Variants in TP53AIP1 observed in about 807,000 individuals in gnomAD.
TP53AIP1 encodes tumor protein p53 regulated apoptosis inducing protein 1, also known as p53-regulated apoptosis-inducing protein 1.
Under a neutral mutation model 9.5 loss-of-function variants are expected in TP53AIP1, and 14 were observed. That is an observed-to-expected ratio of 1.47 (90% CI 0.97 to 2.30). TP53AIP1 has a LOEUF of 2.30. Ranked by LOEUF, TP53AIP1 falls within the 30% of genes most tolerant of loss-of-function variation. TP53AIP1 has a pLI of 0.00. For synonymous variants in TP53AIP1, 73 were observed against 61.2 expected (o/e 1.19, Z -0.90); for missense variants, 153 against 146.7 (o/e 1.04, Z -0.22).
In TP53AIP1 at chr11:128,937,077, T is replaced by C. The variant is rs551438993; in HGVS notation, c.142-428A>G. Reference sequence around the variant, plus strand: ...AGACTCCTGGCCCAGGCCTGGCCTGTGTCTGCTTCCGGAGCCATGCGCTGC... The same window carrying C: ...AGACTCCTGGCCCAGGCCTGGCCTGCGTCTGCTTCCGGAGCCATGCGCTGC... On this transcript the variant is annotated intron_variant, in intron 2 of 3. Coordinates refer to ENST00000531399, the MANE Select transcript of TP53AIP1 (RefSeq NM_022112.3). The surrounding 1 kb of genome is among the most constrained non-coding windows in gnomAD (Gnocchi z 4.8). The C allele has an allele frequency of 9.6e-7, 1 of 1,041,926 alleles. No homozygotes were observed. The highest frequency in any genetic ancestry group is 8.4e-5 in the East Asian group (1 of 11,944). 64.5% of individuals were successfully genotyped at this position (1,041,926 alleles called of 1,614,324 possible). A position where few individuals can be genotyped will look rare whatever the true frequency, so the allele number is the denominator to read the frequency against.
intron 1 of TP53AIP1, among the ~76,000 whole-genome samples, chr11:128,941,489 G>GC (rs1944941090): frequency 1.3e-5 from 2 of 152,192 alleles, no homozygotes; most frequent in Non-Finnish European, 2.9e-5. Context: ...GGTTGCCTCA[G>GC]CCCCCAACGC....
intron 1 of TP53AIP1, among the ~76,000 whole-genome samples, chr11:128,938,392 G>A (rs1251638030): frequency 1.3e-5 from 2 of 152,142 alleles, no homozygotes; most frequent in Non-Finnish European, 2.9e-5. Flanking sequence ...ACGGATCAGA[G>A]CAGAACACAG....
At chr11:128,941,275 G>A (rs977879013) in intron 1 of TP53AIP1, among the ~76,000 whole-genome samples, 5 of 152,120 alleles carry the variant, frequency 3.3e-5, no homozygotes, top group East Asian at 1.9e-4. Context: ...CTCCACCTGC[G>A]ACGTGTTTCC....
chr11:128,942,080 A>T (rs1156255456), intron 1 of TP53AIP1, among the ~76,000 whole-genome samples: 1 of 152,166 alleles, frequency 6.6e-6, no homozygotes, highest in Non-Finnish European at 1.5e-5. Flanking sequence ...GCACACGGTA[A>T]GCTCTCAGTA....
At position 128,939,291 on chromosome 11, in the gene TP53AIP1, C is replaced by T. The variant is rs538613518; in HGVS notation, c.-76-1397G>A. On this transcript the variant is annotated intron_variant, in intron 1 of 3. Coordinates refer to ENST00000531399, the MANE Select transcript of TP53AIP1 (RefSeq NM_022112.3). The surrounding 1 kb of genome is among the most constrained non-coding windows in gnomAD (Gnocchi z 4.1). The stretch of plus-strand genomic sequence containing the variant: ...GCCCTGGACTCCCAAATCCCAGCAG[C>T]AATGCAAAGCCACCCCCAGAAGAGC... Among the ~76,000 whole-genome samples, 445 of 152,296 alleles carry T rather than the reference C, an allele frequency of 2.9e-3. 1 individual carries two copies. The highest frequency in any genetic ancestry group is 0.01 in the African/African-American group (427 of 41,558).
intron 1 of TP53AIP1, among the ~76,000 whole-genome samples, chr11:128,942,093 T>G (rs1183160076): frequency 6.6e-6 from 1 of 152,134 alleles, no homozygotes; most frequent in Non-Finnish European, 1.5e-5. Context: ...TCTCAGTAAG[T>G]GTGGTGAGTC....
chr11:128,939,577 C>T lies in TP53AIP1; in HGVS notation c.-76-1683G>A, dbSNP rs1159031298. ...AGGCCACAAGCCAGCAGCCATGCAGCGGATGCACCTGTAGATGATGCACTG... is the reference window on the plus strand; with the variant it reads ...AGGCCACAAGCCAGCAGCCATGCAGTGGATGCACCTGTAGATGATGCACTG... On this transcript the variant is annotated intron_variant, in intron 1 of 3. Transcript: ENST00000531399. The surrounding 1 kb of genome is among the most constrained non-coding windows in gnomAD (Gnocchi z 4.1). Among the ~76,000 whole-genome samples the T allele has an allele frequency of 3.3e-5, 5 of 152,208 alleles. No homozygotes were observed. The East Asian group carries it at 5.8e-4, about 18-fold the overall frequency.
intron 3 of TP53AIP1, 111 bp from the exon 4 acceptor site, chr11:128,935,823 G>A: frequency 7.3e-7 from 1 of 1,372,098 alleles, no homozygotes; most frequent in Non-Finnish European, 9.4e-7. Context: ...GAATTTCAGT[G>A]AATCTAAAAC....
At chr11:128,936,117 G>T in intron 3 of TP53AIP1, 1 of 968,950 alleles carries the variant, frequency 1.0e-6, no homozygotes, top group Non-Finnish European at 1.3e-6. Flanking sequence ...TCCTGCCCAT[G>T]TACACACAGC....
At chr11:128,938,764 C>T (rs779286169) in intron 1 of TP53AIP1, among the ~76,000 whole-genome samples, 4 of 152,110 alleles carry the variant, frequency 2.6e-5, no homozygotes, top group Admixed American at 6.5e-5. Context: ...CTCACAGCAG[C>T]GCCACCTGCA....
intron 3 of TP53AIP1, chr11:128,935,987 A>T: frequency 1.0e-6 from 1 of 999,408 alleles, no homozygotes; most frequent in Non-Finnish European, 1.3e-6. Flanking sequence ...CATACTACGT[A>T]CAGGTGCTGT....
At chr11:128,941,698 A>G (rs1944945737) in intron 1 of TP53AIP1, among the ~76,000 whole-genome samples, 1 of 152,228 alleles carries the variant, frequency 6.6e-6, no homozygotes, top group Non-Finnish European at 1.5e-5. Flanking sequence ...AATTAGTCCC[A>G]GCCCAGGTTC....
intron 1 of TP53AIP1, among the ~76,000 whole-genome samples, chr11:128,941,228 T>G (rs1312461776): frequency 6.6e-6 from 1 of 152,158 alleles, no homozygotes; most frequent in Non-Finnish European, 1.5e-5. Flanking sequence ...CACCACTGTC[T>G]TCTTGCCCCG....
At chr11:128,938,768 A>T (rs1944886304) in intron 1 of TP53AIP1, among the ~76,000 whole-genome samples, 1 of 152,162 alleles carries the variant, frequency 6.6e-6, no homozygotes, top group Non-Finnish European at 1.5e-5. Flanking sequence ...CAGCAGCGCC[A>T]CCTGCATCAC....
chr11:128,936,933 A>G (rs886498385), intron 2 of TP53AIP1: 3 of 1,187,200 alleles, frequency 2.5e-6, no homozygotes, highest in Non-Finnish European at 3.1e-6. Context: ...TCCCATCACC[A>G]CAGCTCGGGG....
chr11:128,934,879 G>A (rs561593274), downstream of TP53AIP1: 10 of 645,022 alleles, frequency 1.6e-5, no homozygotes, highest in Non-Finnish European at 2.5e-5. Context: ...GGGATCCTCG[G>A]AAGTGTCATG....
chr11:128,936,074 GA>G (rs1944817796), intron 3 of TP53AIP1: 1 of 776,710 alleles, frequency 1.3e-6, no homozygotes, highest in African/African-American at 1.9e-5. Flanking sequence ...CCATTTTACA[GA>G]CACCTACACT....
At position 128,939,244 on chromosome 11, in the gene TP53AIP1, C is replaced by T. The variant is rs1005414621; in HGVS notation, c.-76-1350G>A. ...CTGGTTCTGGGGAAGACACTCTGCACGCAGCCCCCAGGAGACCACAGGCCC... is the reference window on the plus strand; with the variant it reads ...CTGGTTCTGGGGAAGACACTCTGCATGCAGCCCCCAGGAGACCACAGGCCC... On this transcript the variant is annotated intron_variant, in intron 1 of 3. Transcript: ENST00000531399. The surrounding 1 kb of genome is among the most constrained non-coding windows in gnomAD (Gnocchi z 4.1). Among the ~76,000 whole-genome samples the T allele has an allele frequency of 6.6e-6, 1 of 152,164 alleles. No individual in the cohort carries two copies. Among genetic ancestry groups the T allele is most frequent in the African/African-American group, 2.4e-5 (1 of 41,428 alleles).
chr11:128,938,597 C>A (rs1296990608), intron 1 of TP53AIP1, among the ~76,000 whole-genome samples: 2 of 152,182 alleles, frequency 1.3e-5, no homozygotes, highest in Admixed American at 1.3e-4. Context: ...ATCCAGTCTT[C>A]CCCGTCCCTG....
Sources: gnomAD v4.1 joint callset for allele counts (sites outside exome capture counted in the v4.1 genomes callset) on GRCh38, gnomAD v4.1.1 for gene constraint, Gnocchi (gnomAD v3.1) non-coding constraint, MANE v1.5 for transcripts, NCBI Gene and HGNC (gene_info 2026-07-23, HGNC 2026-07-21) for gene names.